The following NAP1L1 variants were observed in gnomAD, a reference collection of about 807,000 sequenced individuals.
The protein encoded by NAP1L1 is nucleosome assembly protein 1-like 1.
Under a neutral mutation model 58.9 loss-of-function variants are expected in NAP1L1, and 9 were observed. That is an observed-to-expected ratio of 0.15 (90% CI 0.09 to 0.27). NAP1L1 has a LOEUF of 0.27. NAP1L1 is among the 10% of genes least tolerant of loss of function. The probability of loss-of-function intolerance (pLI) is 1.00; values close to 1 mark genes in which losing one functional copy is unlikely to be tolerated. For synonymous variants in NAP1L1, 130 were observed against 138.3 expected (o/e 0.94, Z 0.42); for missense variants, 302 against 458.8 (o/e 0.66, Z 3.12).
At position 76,067,487 on chromosome 12, in the gene NAP1L1, A is replaced by AAG; in HGVS notation, c.104-15_104-14insCT. The AAG allele has an allele frequency of 6.4e-7, 1 of 1,554,958 alleles. No homozygotes were observed. The highest frequency in any genetic ancestry group is 8.8e-7 in the Non-Finnish European group (1 of 1,139,142). On this transcript the variant is annotated splice_polypyrimidine_tract_variant and intron_variant, in intron 3 of 14. Coordinates refer to ENST00000618691, the MANE Select transcript of NAP1L1 (RefSeq NM_004537.7). ...TTAGCTGACGTGCTTTAAAAAAAAA[A>AAG]GGGCATCGAAAGAAGGATTTTATGA...
chr12:76,066,958 A>G (rs1325039480), intron 4 of NAP1L1, among the ~76,000 whole-genome samples: 1 of 152,150 alleles, frequency 6.6e-6, no homozygotes. Flanking sequence ...GCTACTAACT[A>G]TAATTAACAT....
At chr12:76,067,741 T>C (rs577981761) in intron 3 of NAP1L1, among the ~76,000 whole-genome samples, 7 of 152,338 alleles carry the variant, frequency 4.6e-5, no homozygotes, top group Admixed American at 3.9e-4. Flanking sequence ...TTTCTCTTCC[T>C]GGTATCCTGT....
chr12:76,053,936 T>C (rs535042440), intron 8 of NAP1L1, 27 bp from the exon 9 acceptor site: 1 of 1,587,944 alleles, frequency 6.3e-7, no homozygotes, highest in African/African-American at 1.4e-5. Flanking sequence ...TAAAAATCAG[T>C]TAAATACCTA....
chr12:76,048,101 C>CAAAA lies in NAP1L1; in HGVS notation c.*324_*327dup. ...CTTTGGTTCTTCAAGGAAAAAATTA[C>CAAAA]AAAAAAAAAAAAAAGGTATTTCCTT... On this transcript the variant is annotated 3_prime_UTR_variant, in exon 15 of 15. Transcript: ENST00000618691. The CAAAA allele has an allele frequency of 1.1e-5, 2 of 185,860 alleles. No individual in the cohort carries two copies. The highest frequency in any genetic ancestry group is 1.9e-5 in the Non-Finnish European group (2 of 102,566). 11.5% of individuals were successfully genotyped at this position (185,860 alleles called of 1,614,324 possible). A position where few individuals can be genotyped will look rare whatever the true frequency, so the allele number is the denominator to read the frequency against.
At position 76,055,012 on chromosome 12, in the gene NAP1L1, C is replaced by A. The variant is rs1238909750; in HGVS notation, c.630+7G>T. On this transcript the variant is annotated splice_region_variant and intron_variant, in intron 8 of 14. Coordinates refer to ENST00000618691, the MANE Select transcript of NAP1L1 (RefSeq NM_004537.7). The stretch of plus-strand genomic sequence containing the variant: ...ACAAAATTATAAATATTTCAAAGTT[C>A]TTTTACCATAGGCTGGCCAGCATCT... The A allele has an allele frequency of 1.4e-5, 22 of 1,590,556 alleles. No individual in the cohort carries two copies. Among genetic ancestry groups the A allele is most frequent in the Non-Finnish European group, 1.7e-5 (20 of 1,168,746 alleles).
chr12:76,049,148 TCTTA>T, intron 14 of NAP1L1, 48 bp downstream of exon 14: 1 of 1,527,594 alleles, frequency 6.5e-7, no homozygotes, highest in Non-Finnish European at 9.1e-7. Context: ...AAACACCAAC[TCTTA>T]CTTTAGCTAT....
intron 2 of NAP1L1, among the ~76,000 whole-genome samples, chr12:76,073,633 T>C (rs1446911958): frequency 1.3e-5 from 2 of 152,212 alleles, no homozygotes; most frequent in African/African-American, 4.8e-5. Context: ...AACTTTGTGA[T>C]CACTATTCAG....
chr12:76,083,314 G>A (rs1345211562), intron 1 of NAP1L1, among the ~76,000 whole-genome samples: 3 of 152,032 alleles, frequency 2.0e-5, no homozygotes, highest in Non-Finnish European at 2.9e-5. Flanking sequence ...TAATTTATAA[G>A]ACAGCCAAGA....
chr12:76,075,641 C>T (rs1375633530), intron 1 of NAP1L1, among the ~76,000 whole-genome samples: 1 of 152,082 alleles, frequency 6.6e-6, no homozygotes, highest in Non-Finnish European at 1.5e-5. Flanking sequence ...GGTAATGAGT[C>T]AGCATTTACA....
At chr12:76,061,253 C>G in intron 4 of NAP1L1, among the ~76,000 whole-genome samples, 1 of 152,160 alleles carries the variant, frequency 6.6e-6, no homozygotes, top group African/African-American at 2.4e-5. Context: ...GTACCCAATA[C>G]TTAATTTTCT....
In NAP1L1 at chr12:76,048,127, T is replaced by G; in HGVS notation, c.*302A>C. On this transcript the variant is annotated 3_prime_UTR_variant, in exon 15 of 15. Transcript: ENST00000618691. ...AAAAAAAAAAAAAAGGTATTTCCTT[T>G]AACAGTTGTTAATTTTCATAGCTGT... The G allele has an allele frequency of 2.8e-6, 1 of 362,448 alleles. No individual in the cohort carries two copies. Among genetic ancestry groups the G allele is most frequent in the Non-Finnish European group, 4.9e-6 (1 of 202,814 alleles). 22.5% of individuals were successfully genotyped at this position (362,448 alleles called of 1,614,324 possible).
In NAP1L1 at chr12:76,084,557, C is replaced by G. The variant is rs1950542566; in HGVS notation, c.-21+10G>C. On this transcript the variant is annotated intron_variant, in intron 1 of 14. Transcript: ENST00000618691. ...CGTTCCCCCTTCCCTTCCAGGCCCCCATCCGTTACCGGCGACTAGTATGGG... is the reference window on the plus strand; with the variant it reads ...CGTTCCCCCTTCCCTTCCAGGCCCCGATCCGTTACCGGCGACTAGTATGGG... 6.6e-6 allele frequency: 1 copy of G among 152,498 alleles called. No individual in the cohort carries two copies. Among genetic ancestry groups the G allele is most frequent in the Non-Finnish European group, 1.5e-5 (1 of 68,330 alleles). 9.4% of individuals were successfully genotyped at this position (152,498 alleles called of 1,614,324 possible). A position where few individuals can be genotyped will look rare whatever the true frequency, so the allele number is the denominator to read the frequency against.
In NAP1L1 at chr12:76,042,155, G is replaced by A. The variant is rs1170411944; in HGVS notation, c.*6274C>T. On this transcript the variant is annotated 3_prime_UTR_variant, in exon 15 of 15. Coordinates refer to ENST00000618691, the MANE Select transcript of NAP1L1 (RefSeq NM_004537.7). ...AGTGTTCTTATGTACACTGAGTAAT[G>A]CATCCCTTACACCTAGGAGGAATTT... The A allele has an allele frequency of 6.6e-6, 1 of 151,990 alleles. No individual in the cohort carries two copies. The highest frequency in any genetic ancestry group is 1.9e-4 in the East Asian group (1 of 5,196). The allele number at this position is 151,990 out of a possible 1,614,324, so 9.4% of individuals were successfully genotyped here. A position where few individuals can be genotyped will look rare whatever the true frequency, so the allele number is the denominator to read the frequency against.
intron 3 of NAP1L1, 22 bp from the exon 4 acceptor site, chr12:76,067,495 G>T: frequency 6.5e-7 from 1 of 1,533,918 alleles, no homozygotes. Flanking sequence ...AAAGGGCATC[G>T]AAAGAAGGAT....
intron 6 of NAP1L1, chr12:76,056,518 T>C (rs1314759056): frequency 2.4e-6 from 1 of 421,724 alleles, no homozygotes; most frequent in South Asian, 1.7e-5. Flanking sequence ...CAAAACATTA[T>C]ATTCTCTTTA....
intron 13 of NAP1L1, 128 bp downstream of exon 13, chr12:76,049,628 A>G: frequency 5.2e-6 from 8 of 1,528,124 alleles, no homozygotes; most frequent in Non-Finnish European, 7.1e-6. Context: ...GAATTCTAAA[A>G]TCATGTTTTC....
chr12:76,059,828 T>C lies in NAP1L1; in HGVS notation c.399A>G (p.Glu133=), dbSNP rs919257997. ...TCTCATCTTCTTCATCTGGTTTCCA[T>C]TCACATTCTTCTTCCGTAGGTTCAT... ...AIYEPTEEEC[E]WKPDEEDEIS... is the part of the protein sequence containing the mutation. The change falls in exon 6 of 15, where the codon GAA becomes GAG. Residue 133 remains glutamate, a synonymous_variant. Coordinates refer to ENST00000618691, the MANE Select transcript of NAP1L1 (RefSeq NM_004537.7). 1 of 1,604,142 alleles carries C rather than the reference T, an allele frequency of 6.2e-7. No homozygotes were observed. The highest frequency in any genetic ancestry group is 8.5e-7 in the Non-Finnish European group (1 of 1,176,594).
chr12:76,067,592 A>G, intron 3 of NAP1L1, 119 bp from the exon 4 acceptor site: 1 of 693,298 alleles, frequency 1.4e-6, no homozygotes, highest in Non-Finnish European at 2.4e-6. Context: ...TGGTATATCT[A>G]ATGAGTAGAG....
rs151146566 is a variant in NAP1L1 at position 76,074,436 on chromosome 12, T to C, written c.-20-197A>G. On this transcript the variant is annotated intron_variant, in intron 1 of 14. Coordinates refer to ENST00000618691, the MANE Select transcript of NAP1L1 (RefSeq NM_004537.7). The stretch of plus-strand genomic sequence containing the variant: ...TTCCTTACTAGTACCAAAAATAATT[T>C]TTCAGAGGATATTACTTAAAACAAA... 2,846 of 859,192 alleles carry C rather than the reference T, an allele frequency of 3.3e-3. 10 individuals are homozygous for C. Among genetic ancestry groups the C allele is most frequent in the Non-Finnish European group, 3.6e-3 (2,548 of 715,214 alleles). 53.2% of individuals were successfully genotyped at this position (859,192 alleles called of 1,614,324 possible). A position where few individuals can be genotyped will look rare whatever the true frequency, so the allele number is the denominator to read the frequency against.
Sources: gnomAD v4.1 joint callset for allele counts (sites outside exome capture counted in the v4.1 genomes callset) on GRCh38, gnomAD v4.1.1 for gene constraint, MANE v1.5 for transcripts, NCBI Gene and HGNC (gene_info 2026-07-23, HGNC 2026-07-21) for gene names.